XKR6: variants seen among roughly 807,000 people sequenced by gnomAD.
XKR6 encodes XK-related protein 6.
In XKR6, 22 loss-of-function variants were observed where a neutral mutation model predicts 56.7. That is an observed-to-expected ratio of 0.39 (90% CI 0.28 to 0.55). The LOEUF is 0.55. XKR6 is among the 20% of genes least tolerant of loss of function. The probability of loss-of-function intolerance (pLI) is 0.66; values close to 1 mark genes in which losing one functional copy is unlikely to be tolerated. For missense variants in XKR6, 852 were observed against 889.0 expected, an observed-to-expected ratio of 0.96 and a Z score of 0.53; for synonymous variants, 524 against 387.8, an observed-to-expected ratio of 1.35 and a Z score of -4.13.
intron 1 of XKR6, among the ~76,000 whole-genome samples, chr8:11,186,412 T>G (rs900582343): frequency 4.6e-5 from 7 of 152,290 alleles, no homozygotes; most frequent in African/African-American, 1.7e-4. Flanking sequence ...GAGAGAGTCT[T>G]GCTCCGTTAT....
At chr8:11,154,921 T>A (rs1801443073) in intron 1 of XKR6, among the ~76,000 whole-genome samples, 1 of 152,342 alleles carries the variant, frequency 6.6e-6, no homozygotes, top group African/African-American at 2.4e-5. Flanking sequence ...AATTCTATCA[T>A]ATTCTTATAA....
In XKR6 at chr8:10,932,425, C is replaced by CTT. The variant is rs71203361; in HGVS notation, c.765-7597_765-7596dup. 6.5e-3 allele frequency among the ~76,000 whole-genome samples: 947 copies of CTT among 145,620 alleles called. 4 individuals carry two copies. The highest frequency in any genetic ancestry group is 9.8e-3 in the South Asian group (45 of 4,586). On this transcript the variant is annotated intron_variant, in intron 1 of 2. Coordinates refer to ENST00000416569, the MANE Select transcript of XKR6 (RefSeq NM_173683.4). The stretch of plus-strand genomic sequence containing the variant: ...ATGTTTTAGCAGTTATTTTCTTTTT[C>CTT]TTTTTTTTTTTTATTATACTTTAAA...
At chr8:11,026,444 T>C (rs1798866087) in intron 1 of XKR6, among the ~76,000 whole-genome samples, 1 of 150,782 alleles carries the variant, frequency 6.6e-6, no homozygotes, top group South Asian at 2.1e-4. Context: ...CACACTTAGA[T>C]AGTCTAGCCT....
At chr8:11,140,657 G>C (rs1800647547) in intron 1 of XKR6, among the ~76,000 whole-genome samples, 3 of 152,066 alleles carry the variant, frequency 2.0e-5, no homozygotes, top group Non-Finnish European at 4.4e-5. Context: ...CAGCACTTTG[G>C]GAGGCTGAGG....
chr8:11,100,621 T>A (rs17152852), intron 1 of XKR6, among the ~76,000 whole-genome samples: 4,507 of 152,276 alleles, frequency 0.03, 237 homozygotes, highest in African/African-American at 0.1. Context: ...TAAGACAGCA[T>A]TCACACTTAA....
chr8:11,029,490 C>A (rs1798943371), intron 1 of XKR6, among the ~76,000 whole-genome samples: 1 of 152,144 alleles, frequency 6.6e-6, no homozygotes, highest in Admixed American at 6.5e-5. Context: ...AACAGAAGTG[C>A]ATGAACCAAT....
chr8:10,971,074 G>C (rs1393731201), intron 1 of XKR6, among the ~76,000 whole-genome samples: 1 of 151,016 alleles, frequency 6.6e-6, no homozygotes, highest in Non-Finnish European at 1.5e-5. Flanking sequence ...TCTTCTGCTT[G>C]GGGTTTTTAA....
At chr8:10,999,019 A>G (rs1465448420) in intron 1 of XKR6, among the ~76,000 whole-genome samples, 1 of 152,212 alleles carries the variant, frequency 6.6e-6, no homozygotes, top group African/African-American at 2.4e-5. Flanking sequence ...GGGTCAACAT[A>G]AAGGACCAAG....
At chr8:11,095,214 T>G (rs1432915445) in intron 1 of XKR6, among the ~76,000 whole-genome samples, 1 of 152,242 alleles carries the variant, frequency 6.6e-6, no homozygotes, top group African/African-American at 2.4e-5. Flanking sequence ...TGGTTGACTT[T>G]CTTTCCCCAA....
intron 1 of XKR6, chr8:11,106,255 T>C (rs1417173082): frequency 6.6e-6 from 1 of 152,198 alleles, no homozygotes; most frequent in African/African-American, 2.4e-5. Context: ...AATCTTGCTT[T>C]CAAAATCTTA....
chr8:10,924,899 T>C, intron 1 of XKR6, 69 bp from the exon 2 acceptor site: 1 of 1,506,218 alleles, frequency 6.6e-7, no homozygotes. Context: ...ACCCTTGCCA[T>C]CCCCCTAAAA....
chr8:11,004,638 C>A (rs1798324592), intron 1 of XKR6, among the ~76,000 whole-genome samples: 1 of 152,192 alleles, frequency 6.6e-6, no homozygotes, highest in Non-Finnish European at 1.5e-5. Context: ...CAGTGGAACC[C>A]TCTGCAGTTA....
chr8:10,973,671 T>G (rs528827132), intron 1 of XKR6, among the ~76,000 whole-genome samples: 2 of 152,252 alleles, frequency 1.3e-5, no homozygotes, highest in Admixed American at 6.5e-5. Context: ...AACCTCCACC[T>G]CCGGGGCTCA....
intron 2 of XKR6, among the ~76,000 whole-genome samples, chr8:10,917,446 C>T (rs1428857271): frequency 6.6e-6 from 1 of 152,212 alleles, no homozygotes; most frequent in Non-Finnish European, 1.5e-5. Flanking sequence ...TTTTGATCAT[C>T]TCTGAGAGAA....
At position 10,948,506 on chromosome 8, in the gene XKR6, T is replaced by C. The variant is rs1433775584; in HGVS notation, c.765-23676A>G. ...AGTGAGATGAGCGGGGAAGACCAGG[T>C]GAGCTCTCAGGCCCTGGAAGCTGAC... On this transcript the variant is annotated intron_variant, in intron 1 of 2. Transcript: ENST00000416569. Among the ~76,000 whole-genome samples, 3 of 152,176 alleles carry C rather than the reference T, an allele frequency of 2.0e-5. No individual in the cohort carries two copies. In the East Asian group the frequency reaches 5.8e-4, roughly 29 times the overall value.
intron 1 of XKR6, among the ~76,000 whole-genome samples, chr8:11,001,909 G>GT: frequency 6.6e-6 from 1 of 152,172 alleles, no homozygotes; most frequent in East Asian, 1.9e-4. Context: ...CTGCTGTTCA[G>GT]CCTCTCCAGC....
chr8:11,107,943 C>A (rs1285296433), intron 1 of XKR6: 1 of 277,326 alleles, frequency 3.6e-6, no homozygotes, highest in Admixed American at 5.4e-5. Context: ...TGCGGCGGCA[C>A]CACTCTGATG....
At chr8:11,086,590 A>C (rs1408180423) in intron 1 of XKR6, among the ~76,000 whole-genome samples, 1 of 152,220 alleles carries the variant, frequency 6.6e-6, no homozygotes, top group Admixed American at 6.5e-5. Flanking sequence ...TAGAATAAAA[A>C]GCTTTCAATG....
chr8:11,131,173 G>C (rs145273044), intron 1 of XKR6, among the ~76,000 whole-genome samples: 1 of 152,068 alleles, frequency 6.6e-6, no homozygotes, highest in Non-Finnish European at 1.5e-5. Flanking sequence ...GTACACTCTG[G>C]TTCATCTCAG....
Sources: gnomAD v4.1 joint callset for allele counts (sites outside exome capture counted in the v4.1 genomes callset) on GRCh38, gnomAD v4.1.1 for gene constraint, MANE v1.5 for transcripts, NCBI Gene and HGNC (gene_info 2026-07-23, HGNC 2026-07-21) for gene names.